ESF1: variants seen among roughly 807,000 people sequenced by gnomAD.
The protein encoded by ESF1 is ESF1 nucleolar pre-rRNA processing protein.
A neutral mutation model predicts 92.0 loss-of-function variants in ESF1; 58 were observed. The ratio of observed to expected loss-of-function variants is 0.63; its 90% CI spans 0.51 to 0.78. ESF1 has a LOEUF of 0.78. Among genes scored for constraint, ESF1 ranks in the 30% least tolerant of loss-of-function variants. The probability of loss-of-function intolerance (pLI) is 0.00; values close to 1 mark genes in which losing one functional copy is unlikely to be tolerated. For missense variants in ESF1, 922 were observed against 989.1 expected, an observed-to-expected ratio of 0.93 and a Z score of 0.91; for synonymous variants, 321 against 313.7, an observed-to-expected ratio of 1.02 and a Z score of -0.24.
chr20:13,746,459 C>CA (rs2050049105), intron 9 of ESF1, among the ~76,000 whole-genome samples: 1 of 152,196 alleles, frequency 6.6e-6, no homozygotes, highest in African/African-American at 2.4e-5. Flanking sequence ...TACTCCCCAT[C>CA]AAAATGATAA....
intron 4 of ESF1, 151 bp downstream of exon 4, chr20:13,775,006 T>C (rs1979860795): frequency 1.8e-6 from 1 of 558,320 alleles, no homozygotes; most frequent in South Asian, 2.5e-5. Flanking sequence ...CTAACATTTA[T>C]ACCTGTTACA....
chr20:13,761,020 A>T (rs893880702), intron 8 of ESF1, among the ~76,000 whole-genome samples: 2 of 152,108 alleles, frequency 1.3e-5, no homozygotes, highest in African/African-American at 4.8e-5. Context: ...GAGACTTTTC[A>T]TTTTGTTCTG....
intron 11 of ESF1, among the ~76,000 whole-genome samples, chr20:13,724,659 T>C (rs1204746963): frequency 2.0e-5 from 3 of 152,256 alleles, no homozygotes; most frequent in Non-Finnish European, 4.4e-5. Flanking sequence ...ATACATGATA[T>C]ATATCTAACA....
chr20:13,771,204 G>A (rs923676990), intron 6 of ESF1, 127 bp downstream of exon 6: 7 of 782,994 alleles, frequency 8.9e-6, no homozygotes, highest in Non-Finnish European at 1.5e-5. Context: ...CCATGGGATA[G>A]AGTTAACCGA....
At position 13,714,879 on chromosome 20, in the gene ESF1, T is replaced by C. The variant is rs775535941; in HGVS notation, c.2551A>G (p.Lys851Glu). The change falls in exon 14 of 14, where the codon AAA (lysine) becomes GAA (glutamate). Residue 851 changes from lysine to glutamate, a missense_variant. Lys to Glu is a moderately conservative substitution (Grantham distance 56). Transcript: ENST00000617257. ...QFQARKKQKV[K>E] Reference sequence around the variant, plus strand: ...CAAAAATAAGTAACATCCAGTTATTTGACTTTTTGCTTTTTTCTTGCTTGA... The same window carrying C: ...CAAAAATAAGTAACATCCAGTTATTCGACTTTTTGCTTTTTTCTTGCTTGA... 6.3e-7 allele frequency: 1 copy of C among 1,594,872 alleles called. No individual in the cohort carries two copies. The highest frequency in any genetic ancestry group is 2.2e-5 in the East Asian group (1 of 44,726).
intron 1 of ESF1, among the ~76,000 whole-genome samples, chr20:13,784,283 A>ACCC (rs145227808): frequency 3.7e-4 from 24 of 65,064 alleles, no homozygotes; most frequent in East Asian, 9.1e-4. Context: ...ATTATTAAGC[A>ACCC]ACCCCCCCCC....
At chr20:13,775,748 A>G in intron 3 of ESF1, 125 bp downstream of exon 3, 1 of 1,141,372 alleles carries the variant, frequency 8.8e-7, no homozygotes, top group South Asian at 2.0e-5. Context: ...ATCAAATTTT[A>G]ATCAGAATCA....
intron 2 of ESF1, among the ~76,000 whole-genome samples, chr20:13,782,157 C>T (rs541042036): frequency 6.6e-6 from 1 of 152,236 alleles, no homozygotes; most frequent in South Asian, 2.1e-4. Context: ...GGATTACAGG[C>T]GTGAGCCACC....
At chr20:13,779,410 T>G (rs1365473808) in intron 2 of ESF1, among the ~76,000 whole-genome samples, 3 of 152,236 alleles carry the variant, frequency 2.0e-5, no homozygotes, top group Non-Finnish European at 4.4e-5. Flanking sequence ...TTTCTTTAAT[T>G]TAAATACTAA....
chr20:13,748,592 A>ATATATATATATATT (rs1331098586), intron 9 of ESF1, among the ~76,000 whole-genome samples: 2 of 95,738 alleles, frequency 2.1e-5, no homozygotes, highest in African/African-American at 1.3e-4. Flanking sequence ...ATATATATAT[A>ATATATATATATATT]TTTTTTTTTT....
chr20:13,728,032 A>G (rs1057405377), intron 11 of ESF1, among the ~76,000 whole-genome samples: 1 of 152,210 alleles, frequency 6.6e-6, no homozygotes, highest in Non-Finnish European at 1.5e-5. Flanking sequence ...AAATCAGTGA[A>G]AGTACACAAG....
intron 11 of ESF1, among the ~76,000 whole-genome samples, chr20:13,727,835 C>A (rs2049912128): frequency 6.6e-6 from 1 of 152,036 alleles, no homozygotes; most frequent in African/African-American, 2.4e-5. Context: ...ATAATGAGTA[C>A]AAAAGGGATA....
intron 11 of ESF1, among the ~76,000 whole-genome samples, chr20:13,728,167 T>C (rs888605745): frequency 6.6e-5 from 10 of 152,204 alleles, no homozygotes; most frequent in African/African-American, 1.9e-4. Context: ...AAGTCTCCTA[T>C]ATTAAAATTA....
chr20:13,754,357 C>T (rs1688421403), intron 9 of ESF1, among the ~76,000 whole-genome samples: 1 of 152,176 alleles, frequency 6.6e-6, no homozygotes, highest in South Asian at 2.1e-4. Flanking sequence ...GGCTCATGTC[C>T]TCTACCTCTA....
chr20:13,775,709 G>A (rs370917496), intron 3 of ESF1, among the ~76,000 whole-genome samples, 164 bp downstream of exon 3: 1 of 152,098 alleles, frequency 6.6e-6, no homozygotes, highest in Non-Finnish European at 1.5e-5. Flanking sequence ...CTGCTTGGAC[G>A]TCTTCTAGTT....
chr20:13,748,592 A>ATTTTTTTTT lies in ESF1; in HGVS notation c.1828+11091_1828+11099dup, dbSNP rs58809594. Among the ~76,000 whole-genome samples, 224 of 95,678 alleles carry ATTTTTTTTT rather than the reference A, an allele frequency of 2.3e-3. 1 individual carries two copies. Among genetic ancestry groups the ATTTTTTTTT allele is most frequent in the East Asian group, 8.4e-3 (22 of 2,626 alleles). The allele number at this position is 95,678 out of a possible 152,430, so 62.8% of individuals were successfully genotyped here. On this transcript the variant is annotated intron_variant, in intron 9 of 13. Coordinates refer to ENST00000617257, the MANE Select transcript of ESF1 (RefSeq NM_001276380.2). ...TGTGTGTGTATATATATATATATAT[A>ATTTTTTTTT]TTTTTTTTTTTTTGAGATGGAGTGT...
intron 9 of ESF1, among the ~76,000 whole-genome samples, chr20:13,755,018 A>G (rs574747850): frequency 6.6e-6 from 1 of 152,314 alleles, no homozygotes; most frequent in Admixed American, 6.5e-5. Flanking sequence ...TACTTTCTTT[A>G]GTTCCTGGTC....
chr20:13,780,570 T>TC (rs1980135259), intron 2 of ESF1, among the ~76,000 whole-genome samples: 1 of 152,180 alleles, frequency 6.6e-6, no homozygotes, highest in Non-Finnish European at 1.5e-5. Context: ...CCTGATACCT[T>TC]CTACCCTCAC....
intron 8 of ESF1, among the ~76,000 whole-genome samples, chr20:13,764,643 C>A (rs1979348169): frequency 6.6e-6 from 1 of 151,998 alleles, no homozygotes; most frequent in Non-Finnish European, 1.5e-5. Flanking sequence ...TTATAATAAA[C>A]TAGAGAAAAT....
Sources: gnomAD v4.1 joint callset for allele counts (sites outside exome capture counted in the v4.1 genomes callset) on GRCh38, gnomAD v4.1.1 for gene constraint, MANE v1.5 for transcripts, NCBI Gene and HGNC (gene_info 2026-07-23, HGNC 2026-07-21) for gene names.